Variants in LRRTM4 observed in about 807,000 individuals in gnomAD.
The protein encoded by LRRTM4 is leucine-rich repeat transmembrane neuronal protein 4.
A neutral mutation model predicts 47.6 loss-of-function variants in LRRTM4; 25 were observed. The observed-to-expected ratio is 0.53, with a 90% CI of 0.38 to 0.73. The LOEUF is 0.73. Ranked by LOEUF, LRRTM4 falls within the 30% of genes least tolerant of loss-of-function variation. The pLI is 0.00. For missense variants in LRRTM4, 638 were observed against 713.4 expected (o/e 0.89, Z 1.20); for synonymous variants, 311 against 269.5 (o/e 1.15, Z -1.51).
At chr2:76,849,189 CAG>C (rs1671921817) in intron 3 of LRRTM4, among the ~76,000 whole-genome samples, 5 of 151,946 alleles carry the variant, frequency 3.3e-5, no homozygotes, top group Admixed American at 2.0e-4. Flanking sequence ...TGGGGGGTGA[CAG>C]TGCAGAGAAG....
At chr2:77,506,177 A>G (rs1678763322) in intron 3 of LRRTM4, among the ~76,000 whole-genome samples, 1 of 151,712 alleles carries the variant, frequency 6.6e-6, no homozygotes, top group South Asian at 2.1e-4. Context: ...ACCTGGATAT[A>G]TTAGAATTTT....
At chr2:76,998,134 A>G in intron 3 of LRRTM4, among the ~76,000 whole-genome samples, 1 of 152,126 alleles carries the variant, frequency 6.6e-6, no homozygotes, top group African/African-American at 2.4e-5. Flanking sequence ...TCCTAAAACC[A>G]TCCCACCCTG....
chr2:77,250,400 A>G (rs1675570949), intron 3 of LRRTM4, among the ~76,000 whole-genome samples: 2 of 152,200 alleles, frequency 1.3e-5, no homozygotes, highest in African/African-American at 4.8e-5. Flanking sequence ...GAACATATGC[A>G]TAGATGGAGT....
chr2:77,478,781 T>C (rs1470098614), intron 3 of LRRTM4, among the ~76,000 whole-genome samples: 4 of 152,230 alleles, frequency 2.6e-5, no homozygotes, highest in Admixed American at 6.5e-5. Context: ...TCTGCTATAA[T>C]TGCCACAGAT....
At chr2:77,481,746 A>G (rs971702921) in intron 3 of LRRTM4, among the ~76,000 whole-genome samples, 13 of 152,192 alleles carry the variant, frequency 8.5e-5, no homozygotes, top group African/African-American at 3.1e-4. Context: ...GTTTCTATCT[A>G]TGGATACATA....
In LRRTM4 at chr2:76,778,512, T is replaced by C. The variant is rs1341415919; in HGVS notation, c.1552-29596A>G. ...GGGAGAGTGTATGTGTCGAGGAATT[T>C]ATCCATTTCTTGTAGATTTTCTAGT... On this transcript the variant is annotated intron_variant, in intron 3 of 3. Coordinates refer to ENST00000409884, the MANE Select transcript of LRRTM4 (RefSeq NM_001134745.3). 1.7e-4 allele frequency among the ~76,000 whole-genome samples: 26 copies of C among 150,334 alleles called. 1 individual carries two copies. In the South Asian group the frequency reaches 5.2e-3, roughly 30 times the overall value.
At chr2:76,939,653 C>T (rs757700318) in intron 3 of LRRTM4, among the ~76,000 whole-genome samples, 9 of 151,816 alleles carry the variant, frequency 5.9e-5, no homozygotes, top group Non-Finnish European at 1.3e-4. Context: ...AATGACTATG[C>T]TAAATAAATA....
chr2:76,801,872 C>T (rs1470000243), intron 3 of LRRTM4, among the ~76,000 whole-genome samples: 5 of 152,020 alleles, frequency 3.3e-5, no homozygotes. Flanking sequence ...GGACAAACAC[C>T]ATAAGATCAT....
At chr2:77,397,612 C>G (rs1673752753) in intron 3 of LRRTM4, among the ~76,000 whole-genome samples, 1 of 151,788 alleles carries the variant, frequency 6.6e-6, no homozygotes, top group Non-Finnish European at 1.5e-5. Flanking sequence ...GTGAGGTGCC[C>G]TGGCCCAAGA....
chr2:77,321,725 G>A (rs1449906972), intron 3 of LRRTM4, among the ~76,000 whole-genome samples: 1 of 152,064 alleles, frequency 6.6e-6, no homozygotes, highest in East Asian at 1.9e-4. Context: ...TAGCAGGAAA[G>A]GAGTGATGAT....
At chr2:77,070,493 CTAAAA>C in intron 3 of LRRTM4, among the ~76,000 whole-genome samples, 1 of 146,308 alleles carries the variant, frequency 6.8e-6, no homozygotes, top group East Asian at 2.4e-4. Flanking sequence ...GAAAAGCAAA[CTAAAA>C]TATTATTATC....
chr2:76,977,825 C>G (rs1335819251), intron 3 of LRRTM4, among the ~76,000 whole-genome samples: 1 of 151,938 alleles, frequency 6.6e-6, no homozygotes, highest in Non-Finnish European at 1.5e-5. Context: ...GTTCAAAAAG[C>G]TATTAGAAGA....
intron 3 of LRRTM4, among the ~76,000 whole-genome samples, chr2:77,048,656 CTA>C (rs553486327): frequency 8.9e-4 from 135 of 151,996 alleles, no homozygotes; most frequent in African/African-American, 3.0e-3. Flanking sequence ...TACACGATAA[CTA>C]TATGTTTTTT....
rs527831087 is a variant in LRRTM4, at chr2:77,030,214, C to T, written c.1552-281298G>A. 5.3e-5 allele frequency among the ~76,000 whole-genome samples: 8 copies of T among 152,172 alleles called. No individual in the cohort carries two copies. In the South Asian group the frequency reaches 1.5e-3, roughly 28 times the overall value. On this transcript the variant is annotated intron_variant, in intron 3 of 3. Transcript: ENST00000409884. Reference sequence around the variant, plus strand: ...TTGGGAGGCTGAGGCGGGGAGATCACGAGGTCAGGAGATCGAGACCATCCT... The same window carrying T: ...TTGGGAGGCTGAGGCGGGGAGATCATGAGGTCAGGAGATCGAGACCATCCT...
At chr2:77,399,388 A>T (rs907571526) in intron 3 of LRRTM4, among the ~76,000 whole-genome samples, 4 of 151,800 alleles carry the variant, frequency 2.6e-5, no homozygotes, top group Non-Finnish European at 5.9e-5. Flanking sequence ...ATTGGCACAA[A>T]TACTACATGA....
intron 3 of LRRTM4, among the ~76,000 whole-genome samples, chr2:76,976,798 G>C (rs940422856): frequency 6.6e-6 from 1 of 151,820 alleles, no homozygotes; most frequent in African/African-American, 2.4e-5. Context: ...ACGGTTAACA[G>C]TAATTTGGTG....
chr2:77,521,956 G>A (rs1056259101), intron 1 of LRRTM4, 138 bp from the exon 2 acceptor site: 48 of 599,446 alleles, frequency 8.0e-5, no homozygotes, highest in Admixed American at 3.0e-5. Flanking sequence ...GGATAGGGAT[G>A]GGGGAGGGCC....
intron 3 of LRRTM4, among the ~76,000 whole-genome samples, chr2:76,855,396 T>C (rs186039611): frequency 2.6e-5 from 4 of 152,354 alleles, no homozygotes; most frequent in African/African-American, 9.6e-5. Context: ...ATTTTCACTT[T>C]GTTATAAAAG....
intron 3 of LRRTM4, among the ~76,000 whole-genome samples, chr2:76,854,503 T>A (rs1672090076): frequency 6.6e-6 from 1 of 152,114 alleles, no homozygotes; most frequent in Non-Finnish European, 1.5e-5. Context: ...AGTTCTGAGG[T>A]GTGAACATAA....
Sources: allele counts gnomAD v4.1 joint callset (sites outside exome capture counted in the v4.1 genomes callset), GRCh38; gene constraint gnomAD v4.1.1; transcripts MANE v1.5; gene names NCBI Gene and HGNC (gene_info 2026-07-23, HGNC 2026-07-21).